COL16A1: variants seen among roughly 807,000 people sequenced by gnomAD.
COL16A1 encodes the protein collagen type XVI alpha 1 chain, also known as collagen alpha-1(XVI) chain.
COL16A1 carries 189 observed loss-of-function variants against 266.3 expected under a neutral mutation model. The observed-to-expected ratio is 0.71, with a 90% CI of 0.63 to 0.80. The LOEUF (loss-of-function observed/expected upper bound fraction) is 0.80, where lower values mean the gene tolerates loss of function less well. Among genes scored for constraint, COL16A1 ranks in the 30% least tolerant of loss-of-function variants. The pLI, the probability that COL16A1 is intolerant of heterozygous loss-of-function variation, is 0.00. For synonymous variants in COL16A1, 740 were observed against 782.3 expected (o/e 0.95, Z 0.90); for missense variants, 1,928 against 2,122.4 (o/e 0.91, Z 1.80).
rs1271087177 is a variant in COL16A1 at position 31,698,848 on chromosome 1, C to G, written c.267-242G>C. On this transcript the variant is annotated intron_variant, in intron 4 of 70. Coordinates refer to ENST00000373672, the MANE Select transcript of COL16A1 (RefSeq NM_001856.4). This position sits in a 1 kb window ranked among gnomAD's most constrained non-coding sequence, Gnocchi z 4.1. ...GTGGCTCATGCCTGTAATCCCAGCA[C>G]TTTGGGAGGCCGAGGTGGGCGGATC... Among the ~76,000 whole-genome samples the G allele has an allele frequency of 1.3e-5, 2 of 152,208 alleles. No homozygotes were observed. The highest frequency in any genetic ancestry group is 2.9e-5 in the Non-Finnish European group (2 of 68,046).
In COL16A1 at chr1:31,698,358, C is replaced by T; in HGVS notation, c.390+125G>A. 3 of 1,536,932 alleles carry T rather than the reference C, an allele frequency of 2.0e-6. No individual in the cohort carries two copies. Among genetic ancestry groups the T allele is most frequent in the Non-Finnish European group, 2.6e-6 (3 of 1,137,030 alleles). On this transcript the variant is annotated intron_variant, in intron 5 of 70. Transcript: ENST00000373672. This position sits in a 1 kb window ranked among gnomAD's most constrained non-coding sequence, Gnocchi z 4.1. ...GAGGTAGGTACTGGTGGGCTGGGGA[C>T]AGGCTTGAGGGTAGGCACAGGATGG...
At chr1:31,674,115 C>T (rs759984882) in intron 44 of COL16A1, among the ~76,000 whole-genome samples, 5 of 152,286 alleles carry the variant, frequency 3.3e-5, no homozygotes, top group East Asian at 1.9e-4. Flanking sequence ...AGAAATCTGC[C>T]GTTCAGAGCA....
At position 31,697,190 on chromosome 1, in the gene COL16A1, C is replaced by A; in HGVS notation, c.738+30G>T. The A allele has an allele frequency of 1.2e-6, 2 of 1,613,268 alleles. No homozygotes were observed. Among genetic ancestry groups the A allele is most frequent in the African/African-American group, 1.3e-5 (1 of 75,016 alleles). The stretch of plus-strand genomic sequence containing the variant: ...ACCCTCATCTCCAGCACAGTGTGTC[C>A]CTGGGCAGCCCAAGGGCCGGGCCAC... On this transcript the variant is annotated intron_variant, in intron 7 of 70. Coordinates refer to ENST00000373672, the MANE Select transcript of COL16A1 (RefSeq NM_001856.4). The surrounding 1 kb of genome is among the most constrained non-coding windows in gnomAD (Gnocchi z 4.2).
chr1:31,658,384 C>T, intron 64 of COL16A1, 104 bp downstream of exon 64: 1 of 986,822 alleles, frequency 1.0e-6, no homozygotes, highest in Admixed American at 2.7e-5. Context: ...ATGCTGACAG[C>T]CTCTCCTTCC....
Position 31,697,822 on chromosome 1 carries a change from G to T in COL16A1, c.657+84C>A. 2 of 1,455,442 alleles carry T rather than the reference G, an allele frequency of 1.4e-6. No homozygotes were observed. Among genetic ancestry groups the T allele is most frequent in the South Asian group, 2.7e-5 (2 of 75,410 alleles). 90.2% of individuals were successfully genotyped at this position (1,455,442 alleles called of 1,614,324 possible). A position where few individuals can be genotyped will look rare whatever the true frequency, so the allele number is the denominator to read the frequency against. Reference sequence around the variant, plus strand: ...AGGGGAAGATTCTAAGCAGGAGAAGGACTTGTTCCGATACGGATTCCAGGA... The same window carrying T: ...AGGGGAAGATTCTAAGCAGGAGAAGTACTTGTTCCGATACGGATTCCAGGA... On this transcript the variant is annotated intron_variant, in intron 6 of 70. Coordinates refer to ENST00000373672, the MANE Select transcript of COL16A1 (RefSeq NM_001856.4). The surrounding 1 kb of genome is among the most constrained non-coding windows in gnomAD (Gnocchi z 4.2).
chr1:31,676,510 C>G (rs1043516979), intron 42 of COL16A1, among the ~76,000 whole-genome samples: 3 of 152,122 alleles, frequency 2.0e-5, no homozygotes, highest in African/African-American at 7.2e-5. Context: ...AGGGTGGGTA[C>G]TTGCCAGTCA....
At chr1:31,684,317 C>A (rs1309589697) in intron 31 of COL16A1, 86 bp from the exon 32 acceptor site, 2 of 1,447,142 alleles carry the variant, frequency 1.4e-6, no homozygotes, top group East Asian at 5.0e-5. Flanking sequence ...GAACACTCTG[C>A]CCCTTGAATG....
In COL16A1 at chr1:31,655,351, G is replaced by A. The variant is rs368047384; in HGVS notation, c.4253C>T (p.Ser1418Leu). Reference sequence around the variant, plus strand: ...CACACCAGGCAAGCCAGGGCTCCCCGAAGGCCCCGGAGCTCCAGGGTGGCC... The same window carrying A: ...CACACCAGGCAAGCCAGGGCTCCCCAAAGGCCCCGGAGCTCCAGGGTGGCC... ...ERGHPGAPGP[S>L]GSPGLPGVPG... The change falls in exon 67 of 71, where the codon TCG (serine) becomes TTG (leucine). Residue 1418 changes from serine to leucine, a missense_variant. By Grantham distance (145) the Ser-to-Leu change is moderately radical. Around this residue, in one of 2 missense-constraint regions of COL16A1, gnomAD observed 376 missense variants for 485.2 expected, o/e 0.77. Transcript: ENST00000373672. The A allele has an allele frequency of 1.3e-5, 21 of 1,612,722 alleles. No homozygotes were observed. In the Middle Eastern group the frequency reaches 8.3e-4, roughly 63 times the overall value.
rs1641931327 is a variant in COL16A1, at chr1:31,664,183, AAGGGGAAGGG to A, written c.3555+979_3555+988del. 6.8e-6 allele frequency among the ~76,000 whole-genome samples: 1 copy of A among 147,882 alleles called. No homozygotes were observed. Among genetic ancestry groups the A allele is most frequent in the South Asian group, 2.2e-4 (1 of 4,464 alleles). On this transcript the variant is annotated intron_variant, in intron 56 of 70. Transcript: ENST00000373672. The surrounding 1 kb of genome is among the most constrained non-coding windows in gnomAD (Gnocchi z 5.5). ...GAAGGGGAAGGGGAAGGGGAAGGGGAAGGGGAAGGGGAAGGGGGCTAGCAACCACCACTGT... is the reference window on the plus strand; with the variant it reads ...GAAGGGGAAGGGGAAGGGGAAGGGGAGAAGGGGGCTAGCAACCACCACTGT...
intron 40 of COL16A1, 64 bp from the exon 41 acceptor site, chr1:31,679,915 G>A (rs926661381): frequency 2.2e-5 from 34 of 1,533,196 alleles, no homozygotes; most frequent in African/African-American, 4.2e-5. Context: ...CACCAAGCGC[G>A]GGGCTGCGTG....
intron 34 of COL16A1, 65 bp from the exon 35 acceptor site, chr1:31,683,434 C>T (rs978825412): frequency 1.4e-5 from 22 of 1,611,662 alleles, no homozygotes; most frequent in Admixed American, 3.3e-5. Flanking sequence ...CTGGCCCTGC[C>T]GCACCGGCAG....
intron 51 of COL16A1, among the ~76,000 whole-genome samples, chr1:31,667,870 C>T (rs1426204482): frequency 5.9e-5 from 9 of 152,128 alleles, no homozygotes; most frequent in Non-Finnish European, 1.3e-4. Context: ...TCTAAGCTGT[C>T]TCTCCAATCT....
At chr1:31,702,858 C>T (rs893117853) in intron 1 of COL16A1, among the ~76,000 whole-genome samples, 4 of 152,118 alleles carry the variant, frequency 2.6e-5, no homozygotes, top group African/African-American at 9.7e-5. Flanking sequence ...CTCAGGACCT[C>T]ATTGCCAGCC....
rs556455168 is a variant in COL16A1 at position 31,684,812 on chromosome 1, C to T, written c.2052+9G>A. On this transcript the variant is annotated intron_variant, in intron 30 of 70. Coordinates refer to ENST00000373672, the MANE Select transcript of COL16A1 (RefSeq NM_001856.4). ...ATGCCCACCCCCGTGCCCACGGACG[C>T]CCTCTCACCTTCTGCCCCTTCAGTC... 3.7e-6 allele frequency: 6 copies of T among 1,614,076 alleles called. No homozygotes were observed. The highest frequency in any genetic ancestry group is 2.2e-5 in the South Asian group (2 of 91,084).
chr1:31,671,704 A>G lies in COL16A1; in HGVS notation c.3106-45T>C, dbSNP rs751457321. 2.0e-5 allele frequency: 32 copies of G among 1,612,380 alleles called. 1 individual carries two copies. In the East Asian group the frequency reaches 5.4e-4, roughly 27 times the overall value. ...AAATGGATGAAGAGGCCCAGGCCCC[A>G]TAGAGCCCCTGGGATTCCAGCAGCC... On this transcript the variant is annotated intron_variant, in intron 47 of 70. Transcript: ENST00000373672.
At chr1:31,677,380 C>G (rs866370172) in intron 42 of COL16A1, among the ~76,000 whole-genome samples, 7 of 152,370 alleles carry the variant, frequency 4.6e-5, no homozygotes, top group Admixed American at 4.6e-4. Context: ...TGAGCCACCA[C>G]GCCTGGCCCG....
rs556345530 is a variant in COL16A1, at chr1:31,691,011, T to C, written c.1437+177A>G. On this transcript the variant is annotated intron_variant, in intron 20 of 70. Coordinates refer to ENST00000373672, the MANE Select transcript of COL16A1 (RefSeq NM_001856.4). ...GTGAGCAGCTCAGTGAGCACTGGGATGGGGACAGGACGCTCCCCGCCAAGG... is the reference window on the plus strand; with the variant it reads ...GTGAGCAGCTCAGTGAGCACTGGGACGGGGACAGGACGCTCCCCGCCAAGG... Among the ~76,000 whole-genome samples the C allele has an allele frequency of 1.9e-4, 29 of 152,290 alleles. No homozygotes were observed. In the East Asian group the frequency reaches 5.4e-3, roughly 28 times the overall value.
chr1:31,681,962 C>A (rs990643784), intron 37 of COL16A1, among the ~76,000 whole-genome samples: 1 of 152,236 alleles, frequency 6.6e-6, no homozygotes, highest in African/African-American at 2.4e-5. Context: ...GAATCCCAAA[C>A]TGGAACTAGA....
At chr1:31,694,314 G>C (rs1644403241) in intron 11 of COL16A1, 144 bp from the exon 12 acceptor site, 1 of 581,154 alleles carries the variant, frequency 1.7e-6, no homozygotes, top group African/African-American at 1.9e-5. Context: ...TGCTTCCCAG[G>C]CAAACTAGCA....
Sources: allele counts gnomAD v4.1 joint callset (sites outside exome capture counted in the v4.1 genomes callset), GRCh38; gene constraint gnomAD v4.1.1; regional missense constraint gnomAD v4.1.1; non-coding constraint Gnocchi (gnomAD v3.1); transcripts MANE v1.5; gene names NCBI Gene and HGNC (gene_info 2026-07-23, HGNC 2026-07-21).